ATP2B4: variants seen among roughly 807,000 people sequenced by gnomAD.
ATP2B4 encodes ATPase plasma membrane Ca2+ transporting 4, also known as plasma membrane calcium-transporting ATPase 4.
Under a neutral mutation model 110.3 loss-of-function variants are expected in ATP2B4, and 39 were observed. The ratio of observed to expected loss-of-function variants is 0.35; its 90% CI spans 0.27 to 0.46. The LOEUF is 0.46. Among genes scored for constraint, ATP2B4 ranks in the 20% least tolerant of loss-of-function variants. The pLI is 1.00. For synonymous variants in ATP2B4, 538 were observed against 571.7 expected (o/e 0.94, Z 0.84); for missense variants, 1,135 against 1,530.9 (o/e 0.74, Z 4.32).
intron 15 of ATP2B4, among the ~76,000 whole-genome samples, chr1:203,715,784 T>C (rs953132184): frequency 6.9e-6 from 1 of 144,808 alleles, no homozygotes; most frequent in Non-Finnish European, 1.5e-5. Context: ...CAAATCAGGA[T>C]TCAGATAAGA....
At chr1:203,678,755 T>A (rs1423640276) in intron 1 of ATP2B4, among the ~76,000 whole-genome samples, 1 of 151,696 alleles carries the variant, frequency 6.6e-6, no homozygotes, top group African/African-American at 2.4e-5. Context: ...AATGAGGAGG[T>A]TTAGGCTCAA....
chr1:203,688,856 T>A (rs1211791250), intron 2 of ATP2B4, among the ~76,000 whole-genome samples: 4 of 152,178 alleles, frequency 2.6e-5, no homozygotes, highest in Non-Finnish European at 5.9e-5. Flanking sequence ...ACTAAAGATT[T>A]CAGTCTTTAT....
chr1:203,717,549 G>C (rs542778106), intron 15 of ATP2B4, among the ~76,000 whole-genome samples: 1 of 151,684 alleles, frequency 6.6e-6, no homozygotes. Flanking sequence ...TGGTTTTTTC[G>C]TTCTTTTTTA....
intron 1 of ATP2B4, among the ~76,000 whole-genome samples, chr1:203,680,621 A>AGAAAAGAAG (rs111419616): frequency 1.4e-5 from 2 of 145,198 alleles, no homozygotes; most frequent in East Asian, 4.0e-4. Flanking sequence ...AAAAAAAAGA[A>AGAAAAGAAG]AAAAAAGATC....
intron 18 of ATP2B4, among the ~76,000 whole-genome samples, chr1:203,723,365 T>C (rs1201872625): frequency 1.4e-5 from 2 of 146,586 alleles, no homozygotes. Flanking sequence ...TCCCAAAGTG[T>C]TATTACGCCT....
intron 20 of ATP2B4, 82 bp downstream of exon 20, chr1:203,727,653 C>G (rs150660330): frequency 1.8e-5 from 27 of 1,533,126 alleles, no homozygotes; most frequent in Non-Finnish European, 2.4e-5. Flanking sequence ...CAGTTCTTGT[C>G]GGCCAGCATC....
intron 2 of ATP2B4, among the ~76,000 whole-genome samples, chr1:203,692,842 A>G (rs921938549): frequency 4.6e-5 from 7 of 152,142 alleles, no homozygotes; most frequent in East Asian, 1.9e-4. Flanking sequence ...TGTTTATTCT[A>G]TGTTCCCACC....
rs145265217 is a variant in ATP2B4 at position 203,734,162 on chromosome 1, G to A, written c.3310-5384G>A. Among the ~76,000 whole-genome samples, 264 of 152,110 alleles carry A rather than the reference G, an allele frequency of 1.7e-3. 1 individual carries two copies. Among genetic ancestry groups the A allele is most frequent in the African/African-American group, 6.0e-3 (250 of 41,488 alleles). Reference sequence around the variant, plus strand: ...TAAAAATACAAAAAATTAGCTGGGCGTGGTGGCGGGCACCTGTAGTCCTAT... The same window carrying A: ...TAAAAATACAAAAAATTAGCTGGGCATGGTGGCGGGCACCTGTAGTCCTAT... On this transcript the variant is annotated intron_variant, in intron 20 of 20. Coordinates refer to ENST00000357681, the MANE Select transcript of ATP2B4 (RefSeq NM_001684.5).
At chr1:203,663,716 C>T (rs982792312) in intron 1 of ATP2B4, among the ~76,000 whole-genome samples, 1 of 151,882 alleles carries the variant, frequency 6.6e-6, no homozygotes, top group Non-Finnish European at 1.5e-5. Flanking sequence ...GCAATCTTCC[C>T]TCCTCAGCCT....
chr1:203,711,838 C>T (rs1010784640), intron 12 of ATP2B4, 122 bp from the exon 13 acceptor site: 14 of 1,112,456 alleles, frequency 1.3e-5, no homozygotes, highest in African/African-American at 1.6e-5. Flanking sequence ...CTAGCCCATG[C>T]TGCATGGCAC....
intron 15 of ATP2B4, 101 bp from the exon 16 acceptor site, chr1:203,720,448 C>T (rs1666287043): frequency 8.7e-7 from 1 of 1,153,250 alleles, no homozygotes; most frequent in Non-Finnish European, 1.2e-6. Context: ...ACTAGTGTGC[C>T]CTGTAGTATT....
intron 1 of ATP2B4, among the ~76,000 whole-genome samples, chr1:203,661,114 A>C (rs1382120626): frequency 6.6e-6 from 1 of 152,114 alleles, no homozygotes; most frequent in African/African-American, 2.4e-5. Context: ...TTGTCTAAAA[A>C]AAAAAAAAAC....
intron 2 of ATP2B4, among the ~76,000 whole-genome samples, chr1:203,697,261 C>T (rs1665560936): frequency 6.6e-6 from 1 of 152,200 alleles, no homozygotes; most frequent in African/African-American, 2.4e-5. Context: ...TCCCCTAAAG[C>T]TCCTGGATCT....
intron 2 of ATP2B4, among the ~76,000 whole-genome samples, chr1:203,693,008 T>C: frequency 6.6e-6 from 1 of 152,164 alleles, no homozygotes; most frequent in Non-Finnish European, 1.5e-5. Context: ...TCTCATGTTC[T>C]TGAGGACAAG....
At chr1:203,724,047 A>G in intron 19 of ATP2B4, 59 bp downstream of exon 19, 1 of 1,441,806 alleles carries the variant, frequency 6.9e-7, no homozygotes, top group Non-Finnish European at 9.5e-7. Context: ...CCCCTCCTCT[A>G]CATGAGATGG....
Position 203,629,320 on chromosome 1 carries a change from C to T in ATP2B4, c.-465+2101C>T, listed in dbSNP as rs1433152979. ...TCCTCGGGAGTCCCATCCTCCCTGC[C>T]ACCATCTTGCTGAGGTGCAACCTCG... is the stretch of plus-strand genomic sequence containing the variant. On this transcript the variant is annotated intron_variant, in intron 1 of 20. Transcript: ENST00000357681. This position sits in a 1 kb window ranked among gnomAD's most constrained non-coding sequence, Gnocchi z 4.6. 2.6e-5 allele frequency among the ~76,000 whole-genome samples: 4 copies of T among 152,226 alleles called. No homozygotes were observed. Among genetic ancestry groups the T allele is most frequent in the East Asian group, 1.9e-4 (1 of 5,190 alleles).
intron 9 of ATP2B4, 27 bp downstream of exon 9, chr1:203,707,250 C>T: frequency 6.3e-7 from 1 of 1,578,168 alleles, no homozygotes; most frequent in Non-Finnish European, 8.7e-7. Context: ...CCTATCTCTT[C>T]CTTTAGGATA....
In ATP2B4 at chr1:203,687,665, T is replaced by A. The variant is rs555695941; in HGVS notation, c.193+4267T>A. ...AGTATAGATTGACAGAATTTTTTTTTAAACCATAGCTTTTAAGGGGGCTTA... is the reference window on the plus strand; with the variant it reads ...AGTATAGATTGACAGAATTTTTTTTAAAACCATAGCTTTTAAGGGGGCTTA... On this transcript the variant is annotated intron_variant, in intron 2 of 20. Coordinates refer to ENST00000357681, the MANE Select transcript of ATP2B4 (RefSeq NM_001684.5). Among the ~76,000 whole-genome samples, 35 of 152,348 alleles carry A rather than the reference T, an allele frequency of 2.3e-4. No individual in the cohort carries two copies. The East Asian group carries it at 5.8e-3, about 25-fold the overall frequency.
chr1:203,663,786 T>C (rs946335607), intron 1 of ATP2B4, among the ~76,000 whole-genome samples: 14 of 152,176 alleles, frequency 9.2e-5, no homozygotes, highest in African/African-American at 3.4e-4. Flanking sequence ...TTATTTTTTG[T>C]AGAGACGGTG....
Sources: allele counts gnomAD v4.1 joint callset (sites outside exome capture counted in the v4.1 genomes callset), GRCh38; gene constraint gnomAD v4.1.1; non-coding constraint Gnocchi (gnomAD v3.1); transcripts MANE v1.5; gene names NCBI Gene and HGNC (gene_info 2026-07-23, HGNC 2026-07-21).